ARHGAP26: variants seen among roughly 807,000 people sequenced by gnomAD.
ARHGAP26 encodes the protein rho GTPase-activating protein 26.
A neutral mutation model predicts 104.8 loss-of-function variants in ARHGAP26; 38 were observed. That is an observed-to-expected ratio of 0.36 (90% CI 0.28 to 0.48). ARHGAP26 has a LOEUF of 0.48. Ranked by LOEUF, ARHGAP26 falls within the 20% of genes least tolerant of loss-of-function variation. The probability of loss-of-function intolerance (pLI) is 0.99; values close to 1 mark genes in which losing one functional copy is unlikely to be tolerated. For synonymous variants in ARHGAP26, 341 were observed against 340.0 expected (o/e 1.00, Z -0.03); for missense variants, 704 against 947.9 (o/e 0.74, Z 3.38).
intron 1 of ARHGAP26, among the ~76,000 whole-genome samples, chr5:142,806,741 C>G (rs141846274): frequency 1.8e-4 from 27 of 152,278 alleles, no homozygotes; most frequent in African/African-American, 6.0e-4. Context: ...ACATCTAACT[C>G]TGTGTTAATA....
chr5:142,977,481 G>T (rs890409992), intron 11 of ARHGAP26, among the ~76,000 whole-genome samples: 1 of 152,142 alleles, frequency 6.6e-6, no homozygotes, highest in Non-Finnish European at 1.5e-5. Flanking sequence ...AAAGCACGTA[G>T]ATGGTTGTTG....
chr5:142,872,887 G>A (rs1755523113), intron 1 of ARHGAP26, among the ~76,000 whole-genome samples: 1 of 152,196 alleles, frequency 6.6e-6, no homozygotes, highest in Non-Finnish European at 1.5e-5. Flanking sequence ...AAGGCCAGGT[G>A]CTATGGGCAG....
At chr5:142,919,234 A>C in intron 10 of ARHGAP26, 1 of 398,608 alleles carries the variant, frequency 2.5e-6, no homozygotes, top group Non-Finnish European at 4.4e-6. Flanking sequence ...CCAGAGATGG[A>C]CATGTACACG....
chr5:142,951,880 A>G (rs1768438912), intron 11 of ARHGAP26, among the ~76,000 whole-genome samples: 1 of 152,348 alleles, frequency 6.6e-6, no homozygotes, highest in African/African-American at 2.4e-5. Flanking sequence ...GTGGGTTACA[A>G]TAACAGAAAT....
At chr5:143,041,274 A>C (rs555333420) in intron 13 of ARHGAP26, among the ~76,000 whole-genome samples, 1 of 152,326 alleles carries the variant, frequency 6.6e-6, no homozygotes, top group African/African-American at 2.4e-5. Flanking sequence ...CTTGGGTTGA[A>C]ATAAAGGTGG....
chr5:142,948,369 A>G (rs1481743672), intron 11 of ARHGAP26, among the ~76,000 whole-genome samples: 3 of 150,802 alleles, frequency 2.0e-5, no homozygotes, highest in Non-Finnish European at 4.4e-5. Flanking sequence ...ATATGTATAT[A>G]TATATGAGTA....
At chr5:142,990,520 TG>T (rs1186409534) in intron 11 of ARHGAP26, among the ~76,000 whole-genome samples, 1 of 152,228 alleles carries the variant, frequency 6.6e-6, no homozygotes, top group Non-Finnish European at 1.5e-5. Flanking sequence ...CTGCATTCCT[TG>T]GGAGGAGAAG....
chr5:142,825,475 C>G (rs1294789035), intron 1 of ARHGAP26, among the ~76,000 whole-genome samples: 1 of 152,134 alleles, frequency 6.6e-6, no homozygotes, highest in African/African-American at 2.4e-5. Flanking sequence ...GGTCTCCTTC[C>G]CGTTGTCCAG....
intron 22 of ARHGAP26, among the ~76,000 whole-genome samples, chr5:143,218,528 A>C (rs1465090371): frequency 6.6e-6 from 1 of 152,166 alleles, no homozygotes; most frequent in African/African-American, 2.4e-5. Flanking sequence ...TTAGTCACAC[A>C]CTTGCTCCCT....
intron 1 of ARHGAP26, among the ~76,000 whole-genome samples, chr5:142,830,042 G>A (rs1397649947): frequency 6.6e-6 from 1 of 152,090 alleles, no homozygotes; most frequent in African/African-American, 2.4e-5. Context: ...GGAAATATTG[G>A]CCCAGGGTGA....
chr5:142,909,553 T>A (rs1303593190), intron 9 of ARHGAP26, among the ~76,000 whole-genome samples: 4 of 152,252 alleles, frequency 2.6e-5, no homozygotes, highest in Non-Finnish European at 5.9e-5. Flanking sequence ...TTTATCAGCA[T>A]CTCTGTTCCT....
At chr5:142,951,823 A>G (rs1466782827) in intron 11 of ARHGAP26, among the ~76,000 whole-genome samples, 1 of 152,346 alleles carries the variant, frequency 6.6e-6, no homozygotes, top group South Asian at 2.1e-4. Flanking sequence ...GAGGTATGGC[A>G]TGTGGATTAG....
At chr5:143,058,718 G>C (rs568073351) in intron 17 of ARHGAP26, among the ~76,000 whole-genome samples, 1 of 152,364 alleles carries the variant, frequency 6.6e-6, no homozygotes, top group Admixed American at 6.5e-5. Context: ...GATTGTAATG[G>C]TTAGTTTTCA....
chr5:143,068,700 C>A (rs936361906), intron 17 of ARHGAP26, among the ~76,000 whole-genome samples: 1 of 152,202 alleles, frequency 6.6e-6, no homozygotes, highest in African/African-American at 2.4e-5. Context: ...TTTCTCAATC[C>A]CATATCCCCT....
At chr5:142,846,906 A>G (rs1470046852) in intron 1 of ARHGAP26, among the ~76,000 whole-genome samples, 1 of 152,180 alleles carries the variant, frequency 6.6e-6, no homozygotes, top group Non-Finnish European at 1.5e-5. Flanking sequence ...GAGATCCAGA[A>G]CCACTCGGTG....
chr5:143,029,899 T>C (rs1167497351), intron 12 of ARHGAP26, among the ~76,000 whole-genome samples: 1 of 152,226 alleles, frequency 6.6e-6, no homozygotes, highest in Non-Finnish European at 1.5e-5. Flanking sequence ...CTAGTTCATG[T>C]TGAGGCTAAT....
intron 12 of ARHGAP26, among the ~76,000 whole-genome samples, chr5:143,021,289 T>A (rs1235511272): frequency 2.0e-5 from 3 of 152,264 alleles, no homozygotes; most frequent in Non-Finnish European, 4.4e-5. Flanking sequence ...TCTGATGTCA[T>A]GAAATGTTTA....
intron 11 of ARHGAP26, among the ~76,000 whole-genome samples, chr5:142,961,429 G>T (rs911635703): frequency 1.3e-5 from 2 of 152,092 alleles, no homozygotes; most frequent in African/African-American, 4.8e-5. Flanking sequence ...GAGGTGGAGG[G>T]TGCATTGAGT....
At chr5:142,936,563 A>G (rs528313162) in intron 11 of ARHGAP26, among the ~76,000 whole-genome samples, 2 of 152,312 alleles carry the variant, frequency 1.3e-5, no homozygotes, top group East Asian at 3.9e-4. Flanking sequence ...ACCAAAATAG[A>G]TAAAACAATT....
Sources: gnomAD v4.1 joint callset for allele counts (sites outside exome capture counted in the v4.1 genomes callset) on GRCh38, gnomAD v4.1.1 for gene constraint, MANE v1.5 for transcripts, NCBI Gene and HGNC (gene_info 2026-07-23, HGNC 2026-07-21) for gene names.